Variants in CEP192 observed in about 807,000 individuals in gnomAD.
CEP192 encodes the protein centrosomal protein 192, also known as centrosomal protein of 192 kDa.
CEP192 carries 151 observed loss-of-function variants against 271.8 expected under a neutral mutation model. The ratio of observed to expected loss-of-function variants is 0.56; its 90% CI spans 0.49 to 0.64. The LOEUF is 0.64. Among genes scored for constraint, CEP192 ranks in the 30% least tolerant of loss-of-function variants. CEP192 has a pLI of 0.00. For synonymous variants in CEP192, 995 were observed against 1,076.5 expected (o/e 0.92, Z 1.48); for missense variants, 2,910 against 3,020.5 (o/e 0.96, Z 0.86).
chr18:13,039,389 A>G (rs986925709), intron 13 of CEP192, among the ~76,000 whole-genome samples: 2 of 151,194 alleles, frequency 1.3e-5, no homozygotes, highest in African/African-American at 4.9e-5. Flanking sequence ...CAGGAGGTGG[A>G]GAGTTGCAGT....
intron 21 of CEP192, among the ~76,000 whole-genome samples, chr18:13,065,569 C>G (rs2037650483): frequency 1.3e-5 from 2 of 152,156 alleles, no homozygotes; most frequent in Non-Finnish European, 2.9e-5. Context: ...CTCATGTGTA[C>G]AATTGTGATT....
intron 21 of CEP192, among the ~76,000 whole-genome samples, 198 bp from the exon 22 acceptor site, chr18:13,067,633 A>G (rs575244288): frequency 2.0e-5 from 3 of 152,262 alleles, no homozygotes; most frequent in Non-Finnish European, 4.4e-5. Context: ...ATTTGGGTAC[A>G]TAGACTACCT....
intron 5 of CEP192, among the ~76,000 whole-genome samples, chr18:13,013,242 T>A (rs1225408634): frequency 6.6e-6 from 1 of 152,280 alleles, no homozygotes; most frequent in South Asian, 2.1e-4. Flanking sequence ...TTGGGCTTGG[T>A]GATGTCAGAG....
intron 3 of CEP192, among the ~76,000 whole-genome samples, chr18:13,007,485 C>G (rs1251197247): frequency 6.6e-6 from 1 of 152,238 alleles, no homozygotes. Context: ...GGAAATTGAC[C>G]TAACTGTCCT....
At chr18:13,088,533 G>A (rs370354411) in intron 32 of CEP192, among the ~76,000 whole-genome samples, 12 of 152,160 alleles carry the variant, frequency 7.9e-5, no homozygotes, top group African/African-American at 2.4e-4. Flanking sequence ...AAGTTTAGGC[G>A]TGATTTAAAG....
At chr18:13,123,193 A>G (rs1411133883) in intron 44 of CEP192, among the ~76,000 whole-genome samples, 1 of 152,218 alleles carries the variant, frequency 6.6e-6, no homozygotes, top group African/African-American at 2.4e-5. Context: ...ATATTTATCC[A>G]AGTATTGACC....
At chr18:13,069,663 TA>T in intron 26 of CEP192, 74 bp from the exon 27 acceptor site, 6 of 805,196 alleles carry the variant, frequency 7.5e-6, no homozygotes, top group South Asian at 7.4e-5. Flanking sequence ...GAAACGCACG[TA>T]AGGCAGGAGC....
intron 26 of CEP192, 36 bp from the exon 27 acceptor site, chr18:13,069,702 G>A: frequency 7.9e-7 from 1 of 1,257,888 alleles, no homozygotes; most frequent in Non-Finnish European, 1.2e-6. Flanking sequence ...GTTTTTGTAA[G>A]TCGGCATTCA....
At chr18:13,106,150 C>T (rs2039934958) in intron 40 of CEP192, among the ~76,000 whole-genome samples, 1 of 152,172 alleles carries the variant, frequency 6.6e-6, no homozygotes, top group South Asian at 2.1e-4. Context: ...TGCTACCTGA[C>T]TTTATACTAT....
At chr18:13,008,309 A>T (rs559598733) in intron 3 of CEP192, 147 bp from the exon 4 acceptor site, 1 of 626,002 alleles carries the variant, frequency 1.6e-6, no homozygotes, top group Non-Finnish European at 2.8e-6. Flanking sequence ...TAGCAGTTGT[A>T]GTTTTCTGGC....
chr18:13,071,448 T>TATCC (rs1202133958), intron 28 of CEP192, among the ~76,000 whole-genome samples: 8 of 151,852 alleles, frequency 5.3e-5, no homozygotes, highest in Non-Finnish European at 1.0e-4. Context: ...GAGGAGGGAG[T>TATCC]ATCCCCTTAA....
chr18:13,111,942 G>T (rs1193059158), intron 40 of CEP192, among the ~76,000 whole-genome samples: 1 of 152,186 alleles, frequency 6.6e-6, no homozygotes, highest in Admixed American at 6.5e-5. Context: ...TACCCACTAA[G>T]ATGGCTGTGA....
chr18:13,118,053 CTT>C (rs1456678220), intron 44 of CEP192, among the ~76,000 whole-genome samples: 2 of 152,146 alleles, frequency 1.3e-5, no homozygotes, highest in Non-Finnish European at 2.9e-5. Context: ...ATTGGGAAAA[CTT>C]TTATTGTGGT....
intron 1 of CEP192, among the ~76,000 whole-genome samples, chr18:12,995,659 G>A (rs2033182377): frequency 6.6e-6 from 1 of 152,228 alleles, no homozygotes; most frequent in Admixed American, 6.5e-5. Context: ...TAACAAGTGA[G>A]TTACATAGCA....
rs762070071 is a variant in CEP192, at chr18:13,092,539, G to C, written c.6254+12G>C. 4 of 1,575,584 alleles carry C rather than the reference G, an allele frequency of 2.5e-6. No homozygotes were observed. The African/African-American group carries it at 5.5e-5, about 22-fold the overall frequency. On this transcript the variant is annotated intron_variant, in intron 34 of 44. Coordinates refer to ENST00000506447, the MANE Select transcript of CEP192 (RefSeq NM_032142.4). ...TTGGAATCTACAAGGTAAAATAAAT[G>C]AACAGAAATCTTTCACCAGATTTCA...
intron 30 of CEP192, among the ~76,000 whole-genome samples, chr18:13,081,556 A>G (rs756694924): frequency 6.6e-6 from 1 of 152,098 alleles, no homozygotes; most frequent in Admixed American, 6.6e-5. Context: ...CTAGCAGTCT[A>G]TCAATTTTGT....
rs560334359 is a variant in CEP192 at position 13,093,019 on chromosome 18, C to T, written c.6254+492C>T. Among the ~76,000 whole-genome samples the T allele has an allele frequency of 1.0e-3, 154 of 152,100 alleles. 1 individual carries two copies. Among genetic ancestry groups the T allele is most frequent in the Admixed American group, 3.6e-3 (55 of 15,268 alleles). ...AATACAAAAAAAAAAGTTAGCCAGGCGTGGTGGTGGGCACCTGTAGTCCCA... is the reference window on the plus strand; with the variant it reads ...AATACAAAAAAAAAAGTTAGCCAGGTGTGGTGGTGGGCACCTGTAGTCCCA... On this transcript the variant is annotated intron_variant, in intron 34 of 44. Transcript: ENST00000506447.
intron 1 of CEP192, 31 bp from the exon 2 acceptor site, chr18:12,999,390 G>A (rs2033466280): frequency 1.6e-5 from 23 of 1,422,480 alleles, no homozygotes; most frequent in Non-Finnish European, 2.1e-5. Context: ...ATAGTAATAT[G>A]TGACCTATAG....
chr18:13,049,020 T>C lies in CEP192; in HGVS notation c.2229T>C (p.Asn743=). The C allele has an allele frequency of 6.2e-7, 1 of 1,614,100 alleles. No homozygotes were observed. Among genetic ancestry groups the C allele is most frequent in the Middle Eastern group, 1.6e-4 (1 of 6,062 alleles). Reference sequence around the variant, plus strand: ...CTGCAATGATCAAGGCACTTTCAAATAAAACCAGAGACAAGACTTTTCAGG... The same window carrying C: ...CTGCAATGATCAAGGCACTTTCAAACAAAACCAGAGACAAGACTTTTCAGG... ...QLAAMIKALS[N]KTRDKTFQED... Residue 743 remains asparagine (N), a synonymous_variant, in exon 16 of 45, where the codon AAT becomes AAC. Transcript: ENST00000506447.
Sources: allele counts gnomAD v4.1 joint callset (sites outside exome capture counted in the v4.1 genomes callset), GRCh38; gene constraint gnomAD v4.1.1; transcripts MANE v1.5; gene names NCBI Gene and HGNC (gene_info 2026-07-23, HGNC 2026-07-21).